COQ8B: variants seen among roughly 807,000 people sequenced by gnomAD.
COQ8B encodes the protein atypical kinase COQ8B, mitochondrial.
In COQ8B, 44 loss-of-function variants were observed where a neutral mutation model predicts 62.0. That is an observed-to-expected ratio of 0.71 (90% CI 0.56 to 0.91). The LOEUF (loss-of-function observed/expected upper bound fraction) is 0.91, where lower values mean the gene tolerates loss of function less well. Among genes scored for constraint, COQ8B ranks in the 40% least tolerant of loss-of-function variants. The pLI, the probability that COQ8B is intolerant of heterozygous loss-of-function variation, is 0.00. For synonymous variants in COQ8B, 252 were observed against 289.9 expected (o/e 0.87, Z 1.33); for missense variants, 649 against 731.6 (o/e 0.89, Z 1.30).
rs142234074 is a variant in COQ8B at position 40,705,117 on chromosome 19, G to C, written c.555C>G (p.Phe185Leu). The C allele has an allele frequency of 5.0e-5, 80 of 1,611,318 alleles. No individual in the cohort carries two copies. In the African/African-American group the frequency reaches 9.6e-4, roughly 19 times the overall value. ...TCACCAGCATCTGCCAGCGGGGCAT[G>C]AAGTCGGCGCTCTGGCGGACCCGCT... ...IFERVRQSAD[F>L]MPRWQMLRVL... The change falls in exon 7 of 15, where the codon TTC becomes TTG. Residue 185 changes from phenylalanine to leucine, a missense_variant. Transcript: ENST00000324464.
chr19:40,716,871 CTTCGGA>C lies in COQ8B; in HGVS notation c.-294_-289del, dbSNP rs1395345891. ...TGCCCTAGATGCATACCTGGCCGCG[CTTCGGA>C]TGCTCAGAGGCAAACCCCCTCCCCT... On this transcript the variant is annotated 5_prime_UTR_variant, in exon 1 of 15. Transcript: ENST00000324464. 4.2e-6 allele frequency: 1 copy of C among 237,766 alleles called. No individual in the cohort carries two copies. The highest frequency in any genetic ancestry group is 7.6e-5 in the East Asian group (1 of 13,150). 14.7% of individuals were successfully genotyped at this position (237,766 alleles called of 1,614,324 possible). A position where few individuals can be genotyped will look rare whatever the true frequency, so the allele number is the denominator to read the frequency against.
rs776659718 is a variant in COQ8B at position 40,692,969 on chromosome 19, G to A, written c.1278C>T (p.Leu426=). 6 of 1,613,932 alleles carry A rather than the reference G, an allele frequency of 3.7e-6. No homozygotes were observed. In the South Asian group the frequency reaches 6.6e-5, roughly 18 times the overall value. Residue 426 remains leucine (L), a synonymous_variant, in exon 14 of 15, where the codon CTC becomes CTT. Transcript: ENST00000324464. ...VLQKSRDLKF[L]TGFETKAFSD... ...TCCCCACCTTGGTTTCAAAGCCTGT[G>A]AGGAATTTGAGGTCCCTGGACTTCT...
Position 40,702,713 on chromosome 19 carries a change from G to A in COQ8B, c.800-20C>T, listed in dbSNP as rs367989199. On this transcript the variant is annotated intron_variant, in intron 9 of 14. Transcript: ENST00000324464. ...ACAGGCCTGTGGGGGAGGTGTGTCA[G>A]CCAGGGAAGGGCCCCGAGCGCCCAC... 3.7e-5 allele frequency: 60 copies of A among 1,603,438 alleles called. 2 individuals are homozygous for A. The South Asian group carries it at 4.1e-4, about 11-fold the overall frequency.
chr19:40,713,882 A>C (rs1157392674), intron 4 of COQ8B, among the ~76,000 whole-genome samples, 185 bp downstream of exon 4: 1 of 152,082 alleles, frequency 6.6e-6, no homozygotes, highest in Non-Finnish European at 1.5e-5. Flanking sequence ...GTCTCAAAAA[A>C]AAAAAAAAAA....
chr19:40,701,885 T>C (rs2082063453), intron 10 of COQ8B, among the ~76,000 whole-genome samples: 1 of 152,210 alleles, frequency 6.6e-6, no homozygotes, highest in Admixed American at 6.5e-5. Flanking sequence ...TGAGGTGCCA[T>C]TAATTGCTAC....
rs142414537 is a variant in COQ8B at position 40,703,769 on chromosome 19, C to A, written c.663G>T (p.Gly221=). The change falls in exon 8 of 15, where the codon GGG becomes GGT. Residue 221 remains glycine, a synonymous_variant. Transcript: ENST00000324464. The part of the protein sequence containing the change: ...EEVPFAAASI[G]QVHQGLLRDG... ...CCCTCAGCAGGCCCTGGTGCACCTG[C>A]CCAATTGAGGCAGCGGCAAAGGGCA... 1.9e-6 allele frequency: 3 copies of A among 1,613,956 alleles called. No homozygotes were observed. Among genetic ancestry groups the A allele is most frequent in the Admixed American group, 1.7e-5 (1 of 59,994 alleles).
At position 40,703,637 on chromosome 19, in the gene COQ8B, G is replaced by A; in HGVS notation, c.718-15C>T. On this transcript the variant is annotated splice_polypyrimidine_tract_variant and intron_variant, in intron 8 of 14. Coordinates refer to ENST00000324464, the MANE Select transcript of COQ8B (RefSeq NM_024876.4). The stretch of plus-strand genomic sequence containing the variant: ...ATGCCGGGGTACTGTAAAGGGAGAA[G>A]GGAGGGAGAGAAGGTGGGAGTCACT... The A allele has an allele frequency of 6.2e-7, 1 of 1,613,334 alleles. No homozygotes were observed. The highest frequency in any genetic ancestry group is 2.2e-5 in the East Asian group (1 of 44,846).
chr19:40,699,961 G>A (rs1341140206), intron 12 of COQ8B, 106 bp downstream of exon 12: 18 of 1,065,254 alleles, frequency 1.7e-5, no homozygotes, highest in African/African-American at 3.1e-5. Context: ...GGCCACCCCT[G>A]CCTATTGTGG....
In COQ8B at chr19:40,693,495, A is replaced by C. The variant is rs140961002; in HGVS notation, c.1210-458T>G. Reference sequence around the variant, plus strand: ...CGGGGCACAGGGTCTGGTGCTGAGGAGGCCCTGGGTGAACCTTGCTTTAGC... The same window carrying C: ...CGGGGCACAGGGTCTGGTGCTGAGGCGGCCCTGGGTGAACCTTGCTTTAGC... On this transcript the variant is annotated intron_variant, in intron 13 of 14. Coordinates refer to ENST00000324464, the MANE Select transcript of COQ8B (RefSeq NM_024876.4). Among the ~76,000 whole-genome samples the C allele has an allele frequency of 5.0e-3, 762 of 152,294 alleles. 9 individuals carry two copies. The highest frequency in any genetic ancestry group is 0.017 in the African/African-American group (725 of 41,560).
chr19:40,701,317 A>T (rs2082058897), intron 10 of COQ8B: 1 of 152,274 alleles, frequency 6.6e-6, no homozygotes, highest in African/African-American at 2.4e-5. Context: ...AAACAGAGCG[A>T]GACCCTGTCT....
In COQ8B at chr19:40,695,720, G is replaced by A. The variant is rs1008408290; in HGVS notation, c.1209+269C>T. ...TGGGCACGTGACTTAACCCCTCCAGGACCCAGTTACTTCATCTGGCCTAAA... is the reference window on the plus strand; with the variant it reads ...TGGGCACGTGACTTAACCCCTCCAGAACCCAGTTACTTCATCTGGCCTAAA... On this transcript the variant is annotated intron_variant, in intron 13 of 14. Transcript: ENST00000324464. Among the ~76,000 whole-genome samples, 21 of 152,156 alleles carry A rather than the reference G, an allele frequency of 1.4e-4. 1 individual carries two copies. Among genetic ancestry groups the A allele is most frequent in the African/African-American group, 5.1e-4 (21 of 41,424 alleles).
chr19:40,713,548 C>CAAAAAA, intron 4 of COQ8B, among the ~76,000 whole-genome samples: 1 of 90,346 alleles, frequency 1.1e-5, no homozygotes, highest in South Asian at 3.4e-4. Flanking sequence ...TACTCCGTCT[C>CAAAAAA]AAAAAAAAAA....
At position 40,714,052 on chromosome 19, in the gene COQ8B, CA is replaced by C. The variant is rs1475122513; in HGVS notation, c.289+14del. 3.1e-6 allele frequency: 5 copies of C among 1,614,064 alleles called. No individual in the cohort carries two copies. Among genetic ancestry groups the C allele is most frequent in the African/African-American group, 1.3e-5 (1 of 75,012 alleles). The stretch of plus-strand genomic sequence containing the variant: ...TAATTGAGGTCACACCAAGATCCCC[CA>C]AAGTCACACCTACCCCCAAAGTTGG... On this transcript the variant is annotated intron_variant, in intron 4 of 14. Transcript: ENST00000324464.
chr19:40,714,873 C>T (rs1488582940), intron 1 of COQ8B: 5 of 1,308,098 alleles, frequency 3.8e-6, no homozygotes, highest in South Asian at 2.0e-5. Context: ...TGCTAGGGTC[C>T]GCCCCCGTTA....
Position 40,705,085 on chromosome 19 carries a change from T to C in COQ8B, c.576+11A>G. 6.3e-7 allele frequency: 1 copy of C among 1,599,448 alleles called. No homozygotes were observed. The highest frequency in any genetic ancestry group is 1.1e-5 in the South Asian group (1 of 88,788). On this transcript the variant is annotated intron_variant, in intron 7 of 14. Transcript: ENST00000324464. The stretch of plus-strand genomic sequence containing the variant: ...TGCCTCCCTCACCGCCCTCCCCCAC[T>C]GGGCACTCACCAGCATCTGCCAGCG...
intron 7 of COQ8B, chr19:40,704,863 C>T: frequency 2.0e-6 from 1 of 503,550 alleles, no homozygotes; most frequent in South Asian, 2.6e-5. Context: ...GTGTGGCTGT[C>T]ACTATCGCCA....
In COQ8B at chr19:40,705,133, C is replaced by T. The variant is rs778169057; in HGVS notation, c.539G>A (p.Arg180His). ...PQLQHIFERV[R>H]QSADFMPRWQ... Reference sequence around the variant, plus strand: ...GCGGGGCATGAAGTCGGCGCTCTGGCGGACCCGCTCAAAGATGTGCTGCAG... The same window carrying T: ...GCGGGGCATGAAGTCGGCGCTCTGGTGGACCCGCTCAAAGATGTGCTGCAG... Residue 180 changes from arginine (R) to histidine (H), a missense_variant, in exon 7 of 15, where the codon CGC becomes CAC. By Grantham distance (29) the Arg-to-His change is conservative (BLOSUM62 0). Transcript: ENST00000324464. 15 of 1,612,354 alleles carry T rather than the reference C, an allele frequency of 9.3e-6. No individual in the cohort carries two copies. Among genetic ancestry groups the T allele is most frequent in the African/African-American group, 1.3e-5 (1 of 74,900 alleles).
intron 7 of COQ8B, 45 bp from the exon 8 acceptor site, chr19:40,703,900 TC>T: frequency 6.4e-7 from 1 of 1,570,812 alleles, no homozygotes; most frequent in Non-Finnish European, 8.7e-7. Flanking sequence ...CAGAGTTCAT[TC>T]CCCAGGCTGA....
chr19:40,692,476 C>G, intron 14 of COQ8B, 103 bp from the exon 15 acceptor site: 1 of 1,019,744 alleles, frequency 9.8e-7, no homozygotes, highest in Non-Finnish European at 1.4e-6. Context: ...CCAGTCTCCA[C>G]CATCAACACA....
Sources: allele counts gnomAD v4.1 joint callset (sites outside exome capture counted in the v4.1 genomes callset), GRCh38; gene constraint gnomAD v4.1.1; transcripts MANE v1.5; gene names NCBI Gene and HGNC (gene_info 2026-07-23, HGNC 2026-07-21).